TRIM5: variants seen among roughly 807,000 people sequenced by gnomAD.
TRIM5 encodes the protein tripartite motif-containing protein 5.
TRIM5 carries 31 observed loss-of-function variants against 35.6 expected under a neutral mutation model. That is an observed-to-expected ratio of 0.87 (90% CI 0.65 to 1.18). The LOEUF (loss-of-function observed/expected upper bound fraction) is 1.18. Among genes scored for constraint, TRIM5 ranks in the 50% most tolerant of loss-of-function variants. The probability of loss-of-function intolerance (pLI) is 0.00; values close to 1 mark genes in which losing one functional copy is unlikely to be tolerated. For synonymous variants in TRIM5, 243 were observed against 215.6 expected (o/e 1.13, Z -1.11); for missense variants, 609 against 591.6 (o/e 1.03, Z -0.31).
chr11:5,604,106 G>A, the TRIM5 span, among the ~76,000 whole-genome samples: 14 of 152,126 alleles, frequency 9.2e-5, no homozygotes, highest in Non-Finnish European at 1.3e-4. Context: ...AGCAGTTCTC[G>A]TGCCTGGCCT....
the TRIM5 span, among the ~76,000 whole-genome samples, chr11:5,639,679 CAAAAAAAAAA>C: frequency 3.6e-3 from 183 of 51,148 alleles, 2 homozygotes; most frequent in Admixed American, 0.011. Flanking sequence ...GACTCTATTT[CAAAAAAAAAA>C]AAAAAAAAAA....
chr11:5,674,463 G>A (rs572302633), intron 4 of TRIM5, among the ~76,000 whole-genome samples: 77 of 152,324 alleles, frequency 5.1e-4, no homozygotes, highest in Admixed American at 1.9e-3. Context: ...GCAGCATAGC[G>A]TGTGAGAGGT....
At chr11:5,679,294 A>G (rs1214844172) in intron 2 of TRIM5, 125 bp from the exon 3 acceptor site, 1 of 804,486 alleles carries the variant, frequency 1.2e-6, no homozygotes, top group African/African-American at 1.7e-5. Flanking sequence ...TGAGAATGGC[A>G]ATGAGAATCC....
chr11:5,682,832 C>T (rs1346786398), intron 1 of TRIM5, among the ~76,000 whole-genome samples: 1 of 152,202 alleles, frequency 6.6e-6, no homozygotes, highest in Non-Finnish European at 1.5e-5. Flanking sequence ...TCTGCCTGGG[C>T]TCCCACTTTG....
chr11:5,643,679 T>A, the TRIM5 span: 1 of 1,609,134 alleles, frequency 6.2e-7, no homozygotes, highest in African/African-American at 1.3e-5. Context: ...ACTGTCCAGC[T>A]CCCATGACTC....
chr11:5,589,524 T>C, the TRIM5 span: 1 of 152,246 alleles, frequency 6.6e-6, no homozygotes, highest in East Asian at 1.9e-4. Flanking sequence ...TCCTTTGGGT[T>C]GGTTACACCA....
chr11:5,599,380 A>ATT, the TRIM5 span, among the ~76,000 whole-genome samples: 120 of 99,236 alleles, frequency 1.2e-3, no homozygotes, highest in African/African-American at 2.1e-3. Context: ...CAATACAATT[A>ATT]TTATATTTAT....
the TRIM5 span, chr11:5,632,410 A>G: frequency 6.2e-7 from 1 of 1,614,038 alleles, no homozygotes; most frequent in Non-Finnish European, 8.5e-7. Context: ...AGAACCCTTG[A>G]GTCTAGACTG....
the TRIM5 span, chr11:5,611,652 C>G: frequency 3.7e-6 from 1 of 268,276 alleles, no homozygotes; most frequent in East Asian, 8.7e-5. Flanking sequence ...AGGGTTTCAC[C>G]GTGTTGGCCA....
At chr11:5,627,643 T>G in the TRIM5 span, among the ~76,000 whole-genome samples, 1 of 152,270 alleles carries the variant, frequency 6.6e-6, no homozygotes, top group Admixed American at 6.5e-5. Context: ...GAGTCATTAA[T>G]GTGGTATAGA....
Position 5,679,140 on chromosome 11 carries a change from C to G in TRIM5, c.447G>C (p.Leu149=). The part of the protein sequence containing the change: ...QVKLQAALEM[L]RQKQQEAEEL... ...CTTCAGCTTCCTGCTGCTTCTGCCT[C>G]AGCATCTCCAGAGCTGCCTGGAGCT... The change falls in exon 3 of 8, where the codon CTG becomes CTC. Residue 149 remains leucine (L), a synonymous_variant. Coordinates refer to ENST00000380034, the MANE Select transcript of TRIM5 (RefSeq NM_033034.3). 1 of 1,614,092 alleles carries G rather than the reference C, an allele frequency of 6.2e-7. No homozygotes were observed. The highest frequency in any genetic ancestry group is 8.5e-7 in the Non-Finnish European group (1 of 1,179,980).
the TRIM5 span, chr11:5,643,739 T>C: frequency 6.5e-7 from 1 of 1,541,844 alleles, no homozygotes; most frequent in East Asian, 2.2e-5. Flanking sequence ...TACAACCCTT[T>C]GTCTTGACTT....
At chr11:5,659,563 T>C (rs775057871), downstream of TRIM5, among the ~76,000 whole-genome samples, 1 of 152,222 alleles carries the variant, frequency 6.6e-6, no homozygotes. Context: ...TTCAAAGCTG[T>C]AGAATGTATA....
chr11:5,608,501 G>C, the TRIM5 span: 1 of 1,522,030 alleles, frequency 6.6e-7, no homozygotes, highest in Admixed American at 1.9e-5. Context: ...AGATTCAAGA[G>C]AGTAGTCTTG....
At chr11:5,640,533 T>C in the TRIM5 span, among the ~76,000 whole-genome samples, 23 of 152,284 alleles carry the variant, frequency 1.5e-4, no homozygotes, top group Middle Eastern at 3.4e-3. Context: ...CCAGATTTGA[T>C]TTTCTTGTAT....
At chr11:5,654,511 G>A in the TRIM5 span, among the ~76,000 whole-genome samples, 4 of 152,160 alleles carry the variant, frequency 2.6e-5, no homozygotes, top group South Asian at 6.2e-4. Context: ...CAGGCAGGAT[G>A]TTCCTTGTGA....
At chr11:5,605,134 C>G in the TRIM5 span, 1 of 667,690 alleles carries the variant, frequency 1.5e-6, no homozygotes, top group Admixed American at 2.8e-5. Flanking sequence ...TAAAGCAGCC[C>G]GGGGCCAATG....
the TRIM5 span, chr11:5,642,946 C>A: frequency 2.9e-5 from 43 of 1,504,784 alleles, no homozygotes; most frequent in Non-Finnish European, 3.8e-5. Flanking sequence ...TTCTCAGCAC[C>A]TCCCAAAACA....
the TRIM5 span, among the ~76,000 whole-genome samples, chr11:5,652,298 G>A: frequency 6.6e-6 from 1 of 152,020 alleles, no homozygotes; most frequent in Admixed American, 6.6e-5. Context: ...ATAAGTTTTA[G>A]GTTTTATATT....
Sources: gnomAD v4.1 joint callset for allele counts (sites outside exome capture counted in the v4.1 genomes callset) on GRCh38, gnomAD v4.1.1 for gene constraint, MANE v1.5 for transcripts, NCBI Gene and HGNC (gene_info 2026-07-23, HGNC 2026-07-21) for gene names.